GRIK1: variants seen among roughly 807,000 people sequenced by gnomAD.
GRIK1 encodes the protein glutamate ionotropic receptor kainate type subunit 1, also known as glutamate receptor ionotropic, kainate 1.
A neutral mutation model predicts 105.7 loss-of-function variants in GRIK1; 69 were observed. That is an observed-to-expected ratio of 0.65 (90% confidence interval 0.54 to 0.80). The LOEUF (loss-of-function observed/expected upper bound fraction) is 0.80. GRIK1 is among the 30% of genes least tolerant of loss of function. GRIK1 has a pLI of 0.00. For missense variants in GRIK1, 1,109 were observed against 1,167.3 expected, an observed-to-expected ratio of 0.95 and a Z score of 0.73; for synonymous variants, 438 against 431.3, an observed-to-expected ratio of 1.02 and a Z score of -0.19.
chr21:29,783,207 G>C (rs1325260931), intron 1 of GRIK1, among the ~76,000 whole-genome samples: 6 of 151,838 alleles, frequency 4.0e-5, no homozygotes, highest in Non-Finnish European at 7.4e-5. Context: ...TAAATTTCCT[G>C]TTTTTGTCTT....
intron 7 of GRIK1, among the ~76,000 whole-genome samples, chr21:29,638,473 G>A (rs1393230896): frequency 6.6e-6 from 1 of 152,082 alleles, no homozygotes; most frequent in Non-Finnish European, 1.5e-5. Context: ...TTTGAGTGGG[G>A]ACACAAAGCC....
chr21:29,901,318 A>G (rs1386352315), intron 1 of GRIK1, among the ~76,000 whole-genome samples: 1 of 152,194 alleles, frequency 6.6e-6, no homozygotes, highest in Non-Finnish European at 1.5e-5. Context: ...TGAAGGACAT[A>G]GAGACACAAA....
intron 1 of GRIK1, among the ~76,000 whole-genome samples, chr21:29,938,108 T>G (rs1017410956): frequency 2.0e-5 from 3 of 152,180 alleles, no homozygotes; most frequent in African/African-American, 7.2e-5. Flanking sequence ...AAACCTAGTA[T>G]GTTCTGAATT....
intron 11 of GRIK1, among the ~76,000 whole-genome samples, chr21:29,588,303 A>G (rs2061276853): frequency 6.6e-6 from 1 of 152,118 alleles, no homozygotes; most frequent in Non-Finnish European, 1.5e-5. Context: ...TCCATATAAT[A>G]TGGTTTGGTT....
chr21:29,801,020 G>A (rs558418915), intron 1 of GRIK1, among the ~76,000 whole-genome samples: 1 of 152,218 alleles, frequency 6.6e-6, no homozygotes, highest in African/African-American at 2.4e-5. Flanking sequence ...CAAGAGATCC[G>A]ATGGTGGATC....
intron 1 of GRIK1, among the ~76,000 whole-genome samples, chr21:29,895,989 G>A (rs2070137924): frequency 6.6e-6 from 1 of 152,140 alleles, no homozygotes. Context: ...AAATAACCAA[G>A]GCACATATTT....
chr21:29,541,672 T>C (rs1269164006), intron 16 of GRIK1, among the ~76,000 whole-genome samples: 1 of 149,812 alleles, frequency 6.7e-6, no homozygotes. Context: ...AGCAATTCCT[T>C]TGAGTTGCTT....
intron 1 of GRIK1, among the ~76,000 whole-genome samples, chr21:29,870,370 G>A (rs890294713): frequency 5.3e-5 from 8 of 151,940 alleles, no homozygotes; most frequent in African/African-American, 1.7e-4. Context: ...GATATCAATT[G>A]CCAGTTTATA....
chr21:29,613,589 G>A (rs1275564562), intron 7 of GRIK1, among the ~76,000 whole-genome samples: 1 of 152,066 alleles, frequency 6.6e-6, no homozygotes, highest in East Asian at 1.9e-4. Flanking sequence ...TGATGATTAA[G>A]GTATTTATCT....
At chr21:29,572,461 TCTCC>T (rs962403055) in intron 14 of GRIK1, among the ~76,000 whole-genome samples, 4 of 151,986 alleles carry the variant, frequency 2.6e-5, no homozygotes, top group African/African-American at 9.7e-5. Context: ...CTTCATTCAC[TCTCC>T]CTCCCTCTCT....
At chr21:29,683,794 C>T (rs1274309020) in intron 3 of GRIK1, among the ~76,000 whole-genome samples, 2 of 152,260 alleles carry the variant, frequency 1.3e-5, no homozygotes, top group East Asian at 3.9e-4. Flanking sequence ...AAATATTGTC[C>T]TTTAGCTATT....
intron 1 of GRIK1, among the ~76,000 whole-genome samples, chr21:29,844,505 G>T (rs1443706162): frequency 2.0e-5 from 3 of 152,144 alleles, no homozygotes; most frequent in African/African-American, 7.2e-5. Flanking sequence ...TGAAACTACA[G>T]GAATTGTTGA....
At chr21:29,936,134 T>C (rs1177380352) in intron 1 of GRIK1, among the ~76,000 whole-genome samples, 1 of 152,148 alleles carries the variant, frequency 6.6e-6, no homozygotes, top group African/African-American at 2.4e-5. Context: ...ATCACGGACG[T>C]GGGAATCAAA....
intron 1 of GRIK1, among the ~76,000 whole-genome samples, chr21:29,920,361 C>T (rs1365163908): frequency 1.3e-5 from 2 of 152,066 alleles, no homozygotes; most frequent in African/African-American, 4.8e-5. Context: ...CACACATGCC[C>T]TTTGACCTTT....
At chr21:29,567,210 T>C (rs1431934421) in intron 14 of GRIK1, among the ~76,000 whole-genome samples, 1 of 152,220 alleles carries the variant, frequency 6.6e-6, no homozygotes, top group Non-Finnish European at 1.5e-5. Context: ...TCACTGTTTT[T>C]AGTTACAGGA....
intron 14 of GRIK1, among the ~76,000 whole-genome samples, chr21:29,562,373 A>G (rs1328733597): frequency 6.6e-6 from 1 of 152,120 alleles, no homozygotes; most frequent in East Asian, 1.9e-4. Flanking sequence ...AAAAATCTTC[A>G]GCCAGGCCTG....
At chr21:29,845,062 C>T (rs534727145) in intron 1 of GRIK1, among the ~76,000 whole-genome samples, 1 of 152,134 alleles carries the variant, frequency 6.6e-6, no homozygotes, top group South Asian at 2.1e-4. Flanking sequence ...GAGATATTTT[C>T]CTTATCTTTA....
At chr21:29,866,311 C>G (rs2068799598) in intron 1 of GRIK1, among the ~76,000 whole-genome samples, 1 of 152,122 alleles carries the variant, frequency 6.6e-6, no homozygotes, top group South Asian at 2.1e-4. Flanking sequence ...TGATCTGCAC[C>G]TGCCTCAGCC....
At position 29,790,787 on chromosome 21, in the gene GRIK1, A is replaced by G. The variant is rs145894098; in HGVS notation, c.119-96724T>C. On this transcript the variant is annotated intron_variant, in intron 1 of 17. Coordinates refer to ENST00000327783, the MANE Select transcript of GRIK1 (RefSeq NM_001330994.2). The stretch of plus-strand genomic sequence containing the variant: ...CACCTTATTCACCTATTTACAATGA[A>G]TGTTTGGTTGGTGCCCCTTTTCTAA... Among the ~76,000 whole-genome samples the G allele has an allele frequency of 2.2e-3, 328 of 152,272 alleles. 3 individuals carry two copies. The highest frequency in any genetic ancestry group is 0.013 in the Admixed American group (203 of 15,282).
Sources: allele counts gnomAD v4.1 joint callset (sites outside exome capture counted in the v4.1 genomes callset), GRCh38; gene constraint gnomAD v4.1.1; transcripts MANE v1.5; gene names NCBI Gene and HGNC (gene_info 2026-07-23, HGNC 2026-07-21).